The following KANSL1L variants were observed in gnomAD, a reference collection of about 807,000 sequenced individuals.
KANSL1L encodes KAT8 regulatory NSL complex subunit 1-like protein.
Under a neutral mutation model 108.6 loss-of-function variants are expected in KANSL1L, and 25 were observed. The observed-to-expected ratio is 0.23, with a 90% CI of 0.17 to 0.32. The LOEUF is 0.32. Ranked by LOEUF, KANSL1L falls within the 10% of genes least tolerant of loss-of-function variation. KANSL1L has a pLI of 1.00. For missense variants in KANSL1L, 1,137 were observed against 1,125.7 expected (o/e 1.01, Z -0.14); for synonymous variants, 405 against 395.1 (o/e 1.03, Z -0.30).
intron 3 of KANSL1L, among the ~76,000 whole-genome samples, chr2:210,110,386 T>C (rs1418536363): frequency 2.0e-5 from 3 of 152,202 alleles, no homozygotes; most frequent in South Asian, 2.1e-4. Flanking sequence ...ATATAAAGTG[T>C]AGAGAGAGGC....
At chr2:210,107,739 T>C (rs532392527) in intron 3 of KANSL1L, among the ~76,000 whole-genome samples, 4 of 151,972 alleles carry the variant, frequency 2.6e-5, no homozygotes, top group Admixed American at 6.6e-5. Flanking sequence ...TTCACCGTGT[T>C]AGCCAGGATG....
chr2:210,075,556 G>A lies in KANSL1L; in HGVS notation c.1751C>T (p.Pro584Leu). The A allele has an allele frequency of 6.2e-7, 1 of 1,609,678 alleles. No individual in the cohort carries two copies. Among genetic ancestry groups the A allele is most frequent in the Non-Finnish European group, 8.5e-7 (1 of 1,176,178 alleles). The stretch of plus-strand genomic sequence containing the variant: ...TCTTCCCAAAGGCAGCCTTACCTGT[G>A]GAGTCCAATAAAAAGTAGGGCTCAA... The part of the protein sequence containing the change: ...YRLSPTFYWT[P>L]QTLPSKETAF... Residue 584 changes from proline (P) to leucine (L), a missense_variant, in exon 6 of 15, where the codon CCA becomes CTA. Transcript: ENST00000281772.
intron 7 of KANSL1L, 169 bp downstream of exon 7, chr2:210,043,770 G>A (rs1202451557): frequency 2.2e-6 from 1 of 448,132 alleles, no homozygotes; most frequent in Non-Finnish European, 3.9e-6. Context: ...CCGTGCATGT[G>A]ACTAGATTAA....
intron 1 of KANSL1L, among the ~76,000 whole-genome samples, chr2:210,163,589 G>T (rs1489259488): frequency 6.6e-6 from 1 of 151,918 alleles, no homozygotes; most frequent in African/African-American, 2.4e-5. Context: ...AAAAAGAAAA[G>T]AAAATTGAAA....
At position 210,087,055 on chromosome 2, in the gene KANSL1L, A is replaced by T. The variant is rs985530978; in HGVS notation, c.1550+11031T>A. 5.3e-5 allele frequency among the ~76,000 whole-genome samples: 8 copies of T among 150,248 alleles called. 1 individual carries two copies. ...TTTATTTTTTTTTTTTTGAGACAGG[A>T]TCTTGCTCTGTCACCTAGGCTGGAG... On this transcript the variant is annotated intron_variant, in intron 5 of 14. Coordinates refer to ENST00000281772, the MANE Select transcript of KANSL1L (RefSeq NM_152519.4).
intron 5 of KANSL1L, among the ~76,000 whole-genome samples, chr2:210,078,328 A>G (rs1480765367): frequency 6.6e-6 from 1 of 152,220 alleles, no homozygotes; most frequent in Non-Finnish European, 1.5e-5. Context: ...GGTGCATTAC[A>G]GTATACAATT....
chr2:210,111,984 T>C (rs936499241), intron 3 of KANSL1L, among the ~76,000 whole-genome samples: 2 of 151,154 alleles, frequency 1.3e-5, no homozygotes, highest in Non-Finnish European at 2.9e-5. Flanking sequence ...ACATGCGGTG[T>C]TTGGTTTTTT....
At chr2:210,087,284 T>C (rs1178135335) in intron 5 of KANSL1L, among the ~76,000 whole-genome samples, 1 of 152,166 alleles carries the variant, frequency 6.6e-6, no homozygotes, top group Non-Finnish European at 1.5e-5. Context: ...TCTCAAATTA[T>C]TGGAATTAAC....
At chr2:210,064,811 C>T (rs1283834330) in intron 6 of KANSL1L, among the ~76,000 whole-genome samples, 8 of 141,770 alleles carry the variant, frequency 5.6e-5, no homozygotes, top group Middle Eastern at 3.4e-3. Flanking sequence ...CTCATCCCTC[C>T]CCCACCAAAA....
At chr2:210,121,983 T>G (rs911620768) in intron 3 of KANSL1L, among the ~76,000 whole-genome samples, 2 of 152,026 alleles carry the variant, frequency 1.3e-5, no homozygotes, top group African/African-American at 4.8e-5. Context: ...ACCAAAGAAC[T>G]GAAAGTTCTC....
intron 2 of KANSL1L, among the ~76,000 whole-genome samples, chr2:210,142,992 T>A (rs1228030639): frequency 6.6e-6 from 1 of 151,888 alleles, no homozygotes; most frequent in Non-Finnish European, 1.5e-5. Context: ...GCCCAATGCT[T>A]CCTTTTGATT....
intron 6 of KANSL1L, among the ~76,000 whole-genome samples, chr2:210,057,626 G>C (rs192199971): frequency 6.6e-6 from 1 of 152,202 alleles, no homozygotes; most frequent in African/African-American, 2.4e-5. Context: ...GCATGAACCC[G>C]GGTGTTGCGG....
At chr2:210,027,409 A>G (rs1575354013) in intron 11 of KANSL1L, 59 bp from the exon 12 acceptor site, 1 of 1,138,618 alleles carries the variant, frequency 8.8e-7, no homozygotes, top group East Asian at 2.3e-5. Flanking sequence ...TGGCAATTTT[A>G]TACTCAGCAC....
chr2:210,076,802 A>G (rs931237758), intron 5 of KANSL1L, among the ~76,000 whole-genome samples: 1 of 151,934 alleles, frequency 6.6e-6, no homozygotes, highest in Admixed American at 6.6e-5. Flanking sequence ...ATATACAATA[A>G]TTAAGCTTTT....
intron 5 of KANSL1L, among the ~76,000 whole-genome samples, chr2:210,095,180 C>T (rs1477051436): frequency 6.6e-6 from 1 of 152,090 alleles, no homozygotes; most frequent in African/African-American, 2.4e-5. Flanking sequence ...ACATTTCTCA[C>T]CTGTAGCTCC....
chr2:210,169,446 T>C (rs1307637177), intron 1 of KANSL1L, among the ~76,000 whole-genome samples: 1 of 152,198 alleles, frequency 6.6e-6, no homozygotes, highest in Non-Finnish European at 1.5e-5. Flanking sequence ...AAAATACACA[T>C]ATATGCAGAC....
intron 5 of KANSL1L, among the ~76,000 whole-genome samples, chr2:210,090,788 C>A (rs1046277616): frequency 2.6e-5 from 4 of 152,120 alleles, no homozygotes; most frequent in African/African-American, 9.7e-5. Context: ...CTGCCTTAGC[C>A]TCCCAAAGTC....
intron 6 of KANSL1L, among the ~76,000 whole-genome samples, chr2:210,055,859 A>G (rs1478830335): frequency 1.3e-5 from 2 of 152,262 alleles, no homozygotes; most frequent in African/African-American, 4.8e-5. Context: ...AGTAGAAAAG[A>G]AAAACCCATT....
At chr2:210,095,242 A>C (rs894083111) in intron 5 of KANSL1L, among the ~76,000 whole-genome samples, 3 of 152,056 alleles carry the variant, frequency 2.0e-5, no homozygotes, top group Non-Finnish European at 2.9e-5. Context: ...CATCTTAAAA[A>C]CAAAATATTT....
Sources: allele counts gnomAD v4.1 joint callset (sites outside exome capture counted in the v4.1 genomes callset), GRCh38; gene constraint gnomAD v4.1.1; transcripts MANE v1.5; gene names NCBI Gene and HGNC (gene_info 2026-07-23, HGNC 2026-07-21).